Variants in CLYBL observed in about 807,000 individuals in gnomAD.
The protein encoded by CLYBL is citramalyl-CoA lyase, mitochondrial.
Under a neutral mutation model 38.9 loss-of-function variants are expected in CLYBL, and 31 were observed. That is an observed-to-expected ratio of 0.80 (90% CI 0.60 to 1.08). The LOEUF is 1.08. Ranked by LOEUF, CLYBL falls within the 50% of genes least tolerant of loss-of-function variation. The probability of loss-of-function intolerance (pLI) is 0.00; values close to 1 mark genes in which losing one functional copy is unlikely to be tolerated. For missense variants in CLYBL, 434 were observed against 411.6 expected (o/e 1.05, Z -0.47); for synonymous variants, 171 against 158.6 (o/e 1.08, Z -0.59).
rs1372770386 is a variant in CLYBL, at chr13:99,717,457, A to G, written c.63-55367A>G. ...ATTAGAAAAAAAAAAAAAAAAAAAA[A>G]GAATTATTTTTTATTTTTTTGAGGC... On this transcript the variant is annotated intron_variant, in intron 1 of 8. Transcript: ENST00000339105. 3.0e-5 allele frequency among the ~76,000 whole-genome samples: 4 copies of G among 133,394 alleles called. No homozygotes were observed. The East Asian group carries it at 9.3e-4, about 31-fold the overall frequency. 87.5% of individuals were successfully genotyped at this position (133,394 alleles called of 152,430 possible). A position where few individuals can be genotyped will look rare whatever the true frequency, so the allele number is the denominator to read the frequency against.
intron 1 of CLYBL, among the ~76,000 whole-genome samples, chr13:99,660,393 T>G (rs2047392164): frequency 6.6e-6 from 1 of 152,228 alleles, no homozygotes. Context: ...GATGCTTTCA[T>G]GGACTCTGTT....
At chr13:99,637,709 G>T (rs1422245336) in intron 1 of CLYBL, among the ~76,000 whole-genome samples, 1 of 152,206 alleles carries the variant, frequency 6.6e-6, no homozygotes, top group African/African-American at 2.4e-5. Flanking sequence ...GGTGAGCTGA[G>T]ATCGCGCCAC....
intron 2 of CLYBL, among the ~76,000 whole-genome samples, chr13:99,822,486 G>C (rs2050607115): frequency 6.6e-6 from 1 of 152,154 alleles, no homozygotes; most frequent in African/African-American, 2.4e-5. Flanking sequence ...GGCAGGTATG[G>C]TGACTTAAAA....
rs1423409456 is a variant in CLYBL at position 99,681,117 on chromosome 13, G to GT, written c.62+74360_62+74361insT. On this transcript the variant is annotated intron_variant, in intron 1 of 8. Coordinates refer to ENST00000339105, the MANE Select transcript of CLYBL (RefSeq NM_206808.5). The stretch of plus-strand genomic sequence containing the variant: ...AGTGCTGTAACTTACTTCATCTAAA[G>GT]AAGCATCATCGCTGAATGTAAAGAG... 1.6e-4 allele frequency among the ~76,000 whole-genome samples: 24 copies of GT among 152,338 alleles called. No homozygotes were observed. In the East Asian group the frequency reaches 2.9e-3, roughly 18 times the overall value.
At chr13:99,898,608 C>T (rs777629949), downstream of CLYBL, among the ~76,000 whole-genome samples, 34 of 152,230 alleles carry the variant, frequency 2.2e-4, no homozygotes, top group African/African-American at 7.7e-4. Flanking sequence ...TGTGTACCCA[C>T]ATCAGTGACA....
chr13:99,881,153 T>C (rs1292301276), intron 7 of CLYBL, among the ~76,000 whole-genome samples: 1 of 152,206 alleles, frequency 6.6e-6, no homozygotes, highest in Non-Finnish European at 1.5e-5. Flanking sequence ...GTGTCTTCCG[T>C]CTGAATTCCA....
intron 1 of CLYBL, among the ~76,000 whole-genome samples, chr13:99,726,035 T>G (rs180900205): frequency 1.9e-4 from 29 of 152,180 alleles, no homozygotes; most frequent in African/African-American, 6.7e-4. Flanking sequence ...AATGTATACA[T>G]CTAATATGTT....
At chr13:99,797,747 A>G (rs1313152649) in intron 2 of CLYBL, among the ~76,000 whole-genome samples, 1 of 152,198 alleles carries the variant, frequency 6.6e-6, no homozygotes, top group East Asian at 1.9e-4. Context: ...ACACCCATAC[A>G]TTATTACAAT....
At chr13:99,817,621 C>T (rs1594201177) in intron 2 of CLYBL, among the ~76,000 whole-genome samples, 2 of 144,104 alleles carry the variant, frequency 1.4e-5, no homozygotes. Context: ...CGCCACTGCA[C>T]TCCAGCCTGG....
intron 1 of CLYBL, among the ~76,000 whole-genome samples, chr13:99,717,812 A>G (rs2048340361): frequency 6.6e-6 from 1 of 152,074 alleles, no homozygotes. Flanking sequence ...GTTAGAAATT[A>G]TCTGTACAAC....
chr13:99,781,697 T>C (rs57884597), intron 2 of CLYBL, among the ~76,000 whole-genome samples: 2,506 of 151,390 alleles, frequency 0.017, 63 homozygotes, highest in African/African-American at 0.057. Flanking sequence ...AGGCTGATCT[T>C]GAACTCCTGA....
At chr13:99,906,347 A>G (rs1399045331) in intron 9 of CLYBL, among the ~76,000 whole-genome samples, 1 of 152,228 alleles carries the variant, frequency 6.6e-6, no homozygotes, top group African/African-American at 2.4e-5. Flanking sequence ...TGTTTTACAT[A>G]AGAATAATCA....
intron 1 of CLYBL, among the ~76,000 whole-genome samples, chr13:99,733,983 T>C (rs575567848): frequency 6.6e-6 from 1 of 152,376 alleles, no homozygotes; most frequent in Non-Finnish European, 1.5e-5. Context: ...ACTTTTATTT[T>C]GTTCAGACCC....
chr13:99,688,343 AT>A (rs2047849335), intron 1 of CLYBL, among the ~76,000 whole-genome samples: 1 of 152,114 alleles, frequency 6.6e-6, no homozygotes, highest in Non-Finnish European at 1.5e-5. Context: ...AGTGAGAAAA[AT>A]ATTAGTATAT....
At chr13:99,651,097 C>T (rs922860148) in intron 1 of CLYBL, among the ~76,000 whole-genome samples, 6 of 152,164 alleles carry the variant, frequency 3.9e-5, no homozygotes, top group Non-Finnish European at 7.4e-5. Context: ...TAGCAGTCAC[C>T]CACACTGCCG....
chr13:99,629,905 T>A (rs1274165216), intron 1 of CLYBL, among the ~76,000 whole-genome samples: 1 of 152,204 alleles, frequency 6.6e-6, no homozygotes, highest in Non-Finnish European at 1.5e-5. Context: ...CTAGCGCCTC[T>A]CCTTGGAGAT....
At chr13:99,851,257 C>T (rs1396285583) in intron 2 of CLYBL, among the ~76,000 whole-genome samples, 1 of 150,828 alleles carries the variant, frequency 6.6e-6, no homozygotes, top group African/African-American at 2.4e-5. Flanking sequence ...ATCCCAGCTA[C>T]TCGGGAGGCT....
intron 7 of CLYBL, among the ~76,000 whole-genome samples, chr13:99,881,069 C>T (rs1406143078): frequency 6.6e-6 from 1 of 152,204 alleles, no homozygotes; most frequent in Non-Finnish European, 1.5e-5. Flanking sequence ...CACCCCATCC[C>T]ACCCCAAACC....
chr13:99,647,636 CA>C (rs1452294094), intron 1 of CLYBL, among the ~76,000 whole-genome samples: 1 of 152,176 alleles, frequency 6.6e-6, no homozygotes, highest in African/African-American at 2.4e-5. Flanking sequence ...TAACAGCCGT[CA>C]ATTTTTCCAC....
Sources: gnomAD v4.1 joint callset for allele counts (sites outside exome capture counted in the v4.1 genomes callset) on GRCh38, gnomAD v4.1.1 for gene constraint, MANE v1.5 for transcripts, NCBI Gene and HGNC (gene_info 2026-07-23, HGNC 2026-07-21) for gene names.